Variants in SRRM4 observed in about 807,000 individuals in gnomAD.
The protein encoded by SRRM4 is serine/arginine repetitive matrix 4.
A neutral mutation model predicts 68.9 loss-of-function variants in SRRM4; 33 were observed. That is an observed-to-expected ratio of 0.48 (90% CI 0.36 to 0.64). The LOEUF is 0.64. Among genes scored for constraint, SRRM4 ranks in the 30% least tolerant of loss-of-function variants. SRRM4 has a pLI of 0.00. For missense variants in SRRM4, 817 were observed against 827.1 expected (o/e 0.99, Z 0.15); for synonymous variants, 318 against 318.8 (o/e 1.00, Z 0.03).
intron 5 of SRRM4, 94 bp downstream of exon 5, chr12:119,120,370 C>A: frequency 4.5e-6 from 6 of 1,338,916 alleles, no homozygotes; most frequent in Non-Finnish European, 6.2e-6. Flanking sequence ...TCCATCTGTG[C>A]TCTTAGGCAT....
chr12:119,132,902 G>A (rs1241480349), intron 8 of SRRM4: 1 of 152,168 alleles, frequency 6.6e-6, no homozygotes, highest in Non-Finnish European at 1.5e-5. Context: ...ATGTCCCTGA[G>A]ATAGTAGTAA....
intron 1 of SRRM4, among the ~76,000 whole-genome samples, chr12:119,003,338 G>A (rs1444813101): frequency 2.6e-5 from 4 of 151,682 alleles, no homozygotes; most frequent in East Asian, 4.0e-4. Flanking sequence ...CACAGCTTCC[G>A]GCATATCCTG....
At chr12:119,141,961 A>G (rs1954368048) in intron 8 of SRRM4, among the ~76,000 whole-genome samples, 1 of 152,230 alleles carries the variant, frequency 6.6e-6, no homozygotes, top group African/African-American at 2.4e-5. Context: ...GGACACCTGG[A>G]GGATGAATAA....
chr12:118,985,612 A>G (rs1002544036), intron 1 of SRRM4, among the ~76,000 whole-genome samples: 17 of 152,344 alleles, frequency 1.1e-4, no homozygotes, highest in Admixed American at 9.8e-4. Flanking sequence ...GGGAACCAGC[A>G]TGAATCGATA....
intron 1 of SRRM4, among the ~76,000 whole-genome samples, chr12:119,039,214 C>T (rs1953649435): frequency 6.6e-6 from 1 of 152,180 alleles, no homozygotes; most frequent in African/African-American, 2.4e-5. Flanking sequence ...GAAAAGATTA[C>T]AAGCCAAGCT....
At chr12:119,116,580 C>T (rs2136049503) in intron 3 of SRRM4, among the ~76,000 whole-genome samples, 1 of 152,210 alleles carries the variant, frequency 6.6e-6, no homozygotes, top group Non-Finnish European at 1.5e-5. Flanking sequence ...AGCTGTGTGT[C>T]TTTAGGCCGG....
intron 1 of SRRM4, among the ~76,000 whole-genome samples, chr12:118,994,768 G>A (rs779485867): frequency 4.6e-5 from 7 of 152,296 alleles, no homozygotes; most frequent in East Asian, 3.9e-4. Context: ...TCCTTAACTC[G>A]AGTGGTTGCT....
At chr12:119,139,423 G>A (rs560405171) in intron 8 of SRRM4, among the ~76,000 whole-genome samples, 1 of 152,226 alleles carries the variant, frequency 6.6e-6, no homozygotes, top group East Asian at 1.9e-4. Flanking sequence ...GTGGAGTCTG[G>A]GGTTTAGGAG....
At chr12:119,151,694 T>C (rs2136068986) in intron 10 of SRRM4, among the ~76,000 whole-genome samples, 1 of 152,200 alleles carries the variant, frequency 6.6e-6, no homozygotes, top group Non-Finnish European at 1.5e-5. Flanking sequence ...TTTGATTGAC[T>C]GGTGGGTTGG....
intron 2 of SRRM4, among the ~76,000 whole-genome samples, chr12:119,112,831 A>T (rs181372490): frequency 2.1e-4 from 32 of 152,322 alleles, no homozygotes; most frequent in Middle Eastern, 3.4e-3. Context: ...GAAGAGCATT[A>T]GGGAAAAGAG....
intron 1 of SRRM4, among the ~76,000 whole-genome samples, chr12:119,042,371 G>A (rs1374092454): frequency 2.0e-5 from 3 of 151,982 alleles, no homozygotes; most frequent in Non-Finnish European, 2.9e-5. Context: ...GAGAGGCAGC[G>A]ACAGAGAAAC....
At chr12:119,057,612 T>C (rs1452508727) in intron 1 of SRRM4, among the ~76,000 whole-genome samples, 1 of 152,208 alleles carries the variant, frequency 6.6e-6, no homozygotes, top group Non-Finnish European at 1.5e-5. Flanking sequence ...GCATTTGGGT[T>C]CATTCCATGT....
At chr12:119,009,237 G>A (rs529112638) in intron 1 of SRRM4, among the ~76,000 whole-genome samples, 36 of 152,264 alleles carry the variant, frequency 2.4e-4, no homozygotes, top group Non-Finnish European at 4.4e-5. Flanking sequence ...GGCATCTTGG[G>A]CAGACCCCGG....
intron 1 of SRRM4, among the ~76,000 whole-genome samples, chr12:118,997,870 CCTT>C (rs1953359219): frequency 6.6e-6 from 1 of 152,002 alleles, no homozygotes; most frequent in African/African-American, 2.4e-5. Context: ...ACACTATGTG[CCTT>C]CTTCAAGGTG....
At chr12:119,029,107 T>C (rs750250273) in intron 1 of SRRM4, among the ~76,000 whole-genome samples, 2 of 152,128 alleles carry the variant, frequency 1.3e-5, no homozygotes, top group Non-Finnish European at 2.9e-5. Flanking sequence ...ACAATATCTT[T>C]TTTCATGAGA....
chr12:119,136,060 C>G (rs1466616735), intron 8 of SRRM4, among the ~76,000 whole-genome samples: 3 of 152,170 alleles, frequency 2.0e-5, no homozygotes, highest in African/African-American at 7.2e-5. Context: ...GGACATAACC[C>G]TCAAAGTATC....
At chr12:119,021,018 A>G in intron 1 of SRRM4, among the ~76,000 whole-genome samples, 1 of 152,130 alleles carries the variant, frequency 6.6e-6, no homozygotes, top group Non-Finnish European at 1.5e-5. Context: ...TCTCTGGGTG[A>G]CTTGACCTGT....
At chr12:119,080,577 C>T (rs1157439436) in intron 1 of SRRM4, among the ~76,000 whole-genome samples, 2 of 152,196 alleles carry the variant, frequency 1.3e-5, no homozygotes, top group Non-Finnish European at 2.9e-5. Context: ...TGTGTCATCT[C>T]TCCCACCATG....
At position 119,065,458 on chromosome 12, in the gene SRRM4, C is replaced by G. The variant is rs1953839895; in HGVS notation, c.132-36778C>G. 2.0e-5 allele frequency among the ~76,000 whole-genome samples: 3 copies of G among 152,202 alleles called. 1 individual carries two copies. The highest frequency in any genetic ancestry group is 4.1e-4 in the South Asian group (2 of 4,820). On this transcript the variant is annotated intron_variant, in intron 1 of 12. Transcript: ENST00000267260. ...GAGTTTAAAAAAATCCATGGGTGGC[C>G]AGGTGCGGTGGTTCATGCTTGTAAT...
Sources: gnomAD v4.1 joint callset for allele counts (sites outside exome capture counted in the v4.1 genomes callset) on GRCh38, gnomAD v4.1.1 for gene constraint, MANE v1.5 for transcripts, NCBI Gene and HGNC (gene_info 2026-07-23, HGNC 2026-07-21) for gene names.